Variants in GARS1 observed in about 807,000 individuals in gnomAD.
GARS1 encodes glycine--tRNA ligase.
GARS1 carries 46 observed loss-of-function variants against 86.4 expected under a neutral mutation model. The ratio of observed to expected loss-of-function variants is 0.53; its 90% CI spans 0.42 to 0.68. The LOEUF (loss-of-function observed/expected upper bound fraction) is 0.68. Among genes scored for constraint, GARS1 ranks in the 30% least tolerant of loss-of-function variants. GARS1 has a pLI of 0.00. For synonymous variants in GARS1, 342 were observed against 329.8 expected, an observed-to-expected ratio of 1.04 and a Z score of -0.40; for missense variants, 797 against 915.6, an observed-to-expected ratio of 0.87 and a Z score of 1.67.
intron 6 of GARS1, among the ~76,000 whole-genome samples, chr7:30,608,540 C>A (rs530562341): frequency 3.3e-5 from 5 of 152,102 alleles, no homozygotes; most frequent in Non-Finnish European, 5.9e-5. Flanking sequence ...GAAATAGAGT[C>A]TAGAAGGCTT....
At position 30,628,585 on chromosome 7, in the gene GARS1, T is replaced by G; in HGVS notation, c.1725T>G (p.Ile575Met). 1 of 1,612,568 alleles carries G rather than the reference T, an allele frequency of 6.2e-7. No homozygotes were observed. The highest frequency in any genetic ancestry group is 1.3e-5 in the African/African-American group (1 of 75,030). The change falls in exon 14 of 17, where the codon ATT becomes ATG. Residue 575 changes from isoleucine to methionine, a missense_variant. Ile to Met is a conservative substitution (Grantham distance 10, BLOSUM62 1). Coordinates refer to ENST00000389266, the MANE Select transcript of GARS1 (RefSeq NM_002047.4). ...TGGAAGAAGTTGTTCCGAATGTAATTGAACCTTCCTTCGGCCTGGGTAGGA... is the reference window on the plus strand; with the variant it reads ...TGGAAGAAGTTGTTCCGAATGTAATGGAACCTTCCTTCGGCCTGGGTAGGA... ...LYVEEVVPNV[I>M]EPSFGLGRIM...
At chr7:30,622,973 C>T (rs1048131906) in intron 12 of GARS1, among the ~76,000 whole-genome samples, 22 of 151,878 alleles carry the variant, frequency 1.4e-4, no homozygotes, top group South Asian at 6.3e-4. Context: ...TGGTGGCGGG[C>T]GCCTGTAGTC....
At chr7:30,626,108 AT>A in intron 12 of GARS1, 125 bp from the exon 13 acceptor site, 1 of 645,576 alleles carries the variant, frequency 1.5e-6, no homozygotes, top group South Asian at 1.7e-5. Flanking sequence ...GACATCACTT[AT>A]TATATCTGGA....
rs182452812 is a variant in GARS1, at chr7:30,619,809, A to G, written c.1360-1584A>G. Among the ~76,000 whole-genome samples, 639 of 111,994 alleles carry G rather than the reference A, an allele frequency of 5.7e-3. 8 individuals are homozygous for G. The highest frequency in any genetic ancestry group is 0.022 in the African/African-American group (609 of 27,724). The allele number at this position is 111,994 out of a possible 152,430, so 73.5% of individuals were successfully genotyped here. On this transcript the variant is annotated intron_variant, in intron 10 of 16. Coordinates refer to ENST00000389266, the MANE Select transcript of GARS1 (RefSeq NM_002047.4). Reference sequence around the variant, plus strand: ...TTTTTTTTTTTTGAGACAGAGTCTTACTCTGTCACCCAGGCTGGAGTGCAG... The same window carrying G: ...TTTTTTTTTTTTGAGACAGAGTCTTGCTCTGTCACCCAGGCTGGAGTGCAG...
chr7:30,622,414 G>T lies in GARS1; in HGVS notation c.1565G>T (p.Cys522Phe). The part of the protein sequence containing the change: ...AKLVMEYLAI[C>F]DECYITEMEM... Reference sequence around the variant, plus strand: ...CTGGTGATGGAGTATCTTGCCATTTGTGATGAGTGCTACATTACAGAAATG... The same window carrying T: ...CTGGTGATGGAGTATCTTGCCATTTTTGATGAGTGCTACATTACAGAAATG... The change falls in exon 12 of 17, where the codon TGT becomes TTT. Residue 522 changes from cysteine (C) to phenylalanine (F), a missense_variant. Transcript: ENST00000389266. The T allele has an allele frequency of 6.2e-7, 1 of 1,614,158 alleles. No individual in the cohort carries two copies. Among genetic ancestry groups the T allele is most frequent in the East Asian group, 2.2e-5 (1 of 44,860 alleles).
intron 10 of GARS1, 101 bp downstream of exon 10, chr7:30,617,379 GGAAAA>G: frequency 7.3e-7 from 1 of 1,366,990 alleles, no homozygotes; most frequent in South Asian, 1.2e-5. Flanking sequence ...AGGAACAAAG[GGAAAA>G]GAAAAGAGAT....
chr7:30,628,598 G>T lies in GARS1; in HGVS notation c.1738G>T (p.Gly580Cys). 1.2e-6 allele frequency: 2 copies of T among 1,612,866 alleles called. No individual in the cohort carries two copies. Among genetic ancestry groups the T allele is most frequent in the Non-Finnish European group, 1.7e-6 (2 of 1,179,042 alleles). Residue 580 changes from glycine to cysteine, a missense_variant, in exon 14 of 17, where the codon GGC becomes TGC. This residue lies in a region of GARS1 where 598 missense variants were observed against 738.7 expected (regional missense o/e 0.81). Transcript: ENST00000389266. ...VVPNVIEPSF[G>C]LGRIMYTVFE... ...TCCGAATGTAATTGAACCTTCCTTCGGCCTGGGTAGGATCATGTATACGGT... is the reference window on the plus strand; with the variant it reads ...TCCGAATGTAATTGAACCTTCCTTCTGCCTGGGTAGGATCATGTATACGGT...
At chr7:30,622,239 A>T in intron 11 of GARS1, 78 bp from the exon 12 acceptor site, 1 of 1,556,946 alleles carries the variant, frequency 6.4e-7, no homozygotes, top group South Asian at 1.1e-5. Flanking sequence ...TTTTAAGTTG[A>T]TGATTGATTG....
At chr7:30,605,334 C>T (rs562101510) in intron 6 of GARS1, among the ~76,000 whole-genome samples, 3 of 152,254 alleles carry the variant, frequency 2.0e-5, no homozygotes, top group African/African-American at 7.2e-5. Context: ...TTTTTGTGGC[C>T]CATCTCTGGA....
At chr7:30,612,369 C>A in intron 8 of GARS1, 124 bp downstream of exon 8, 2 of 975,768 alleles carry the variant, frequency 2.0e-6, no homozygotes, top group Non-Finnish European at 3.2e-6. Flanking sequence ...TTGTTTTCTC[C>A]AAAAATCATG....
chr7:30,620,281 A>G (rs969614263), intron 10 of GARS1, among the ~76,000 whole-genome samples: 4 of 152,240 alleles, frequency 2.6e-5, no homozygotes, highest in African/African-American at 9.7e-5. Flanking sequence ...AGAGTGGCTT[A>G]TAAACAATGG....
Position 30,633,872 on chromosome 7 carries a change from A to G in GARS1, c.*12A>G. 1.3e-6 allele frequency: 2 copies of G among 1,596,606 alleles called. No individual in the cohort carries two copies. Among genetic ancestry groups the G allele is most frequent in the South Asian group, 2.2e-5 (2 of 90,542 alleles). On this transcript the variant is annotated 3_prime_UTR_variant, in exon 17 of 17. Transcript: ENST00000389266. Reference sequence around the variant, plus strand: ...CAATCGAGGAATGAGGACAATTTTGACAACTTTTGACCACTTGCGCTAATA... The same window carrying G: ...CAATCGAGGAATGAGGACAATTTTGGCAACTTTTGACCACTTGCGCTAATA...
intron 3 of GARS1, 28 bp from the exon 4 acceptor site, chr7:30,601,031 G>T: frequency 6.2e-7 from 1 of 1,611,260 alleles, no homozygotes; most frequent in Non-Finnish European, 8.5e-7. Flanking sequence ...ACAAGGTAAA[G>T]TATGTGTTTT....
At position 30,633,819 on chromosome 7, in the gene GARS1, G is replaced by A; in HGVS notation, c.2179G>A (p.Glu727Lys). The A allele has an allele frequency of 1.9e-6, 3 of 1,585,158 alleles. No individual in the cohort carries two copies. Among genetic ancestry groups the A allele is most frequent in the Non-Finnish European group, 2.6e-6 (3 of 1,162,858 alleles). The change falls in exon 17 of 17, where the codon GAA becomes AAA. Residue 727 changes from glutamate (E) to lysine (K), a missense_variant. Transcript: ENST00000389266. Reference sequence around the variant, plus strand: ...TGTGGAGGCCAGGTATCCTCTGTTTGAAGGGCAAGAGACTGGTAAAAAAGA... The same window carrying A: ...TGTGGAGGCCAGGTATCCTCTGTTTAAAGGGCAAGAGACTGGTAAAAAAGA... ...ADVEARYPLF[E>K]GQETGKKETI...
At chr7:30,600,967 A>T (rs1257573403) in intron 3 of GARS1, 92 bp from the exon 4 acceptor site, 2 of 1,163,288 alleles carry the variant, frequency 1.7e-6, no homozygotes, top group Admixed American at 1.7e-5. Flanking sequence ...ATACACTTTT[A>T]GGGAGTATAG....
At chr7:30,619,250 G>T (rs188717383) in intron 10 of GARS1, among the ~76,000 whole-genome samples, 13 of 152,290 alleles carry the variant, frequency 8.5e-5, no homozygotes, top group African/African-American at 3.1e-4. Context: ...AAGTGCCATT[G>T]TGAGGGTTAG....
chr7:30,608,612 T>C (rs1791531317), intron 6 of GARS1, among the ~76,000 whole-genome samples: 1 of 152,228 alleles, frequency 6.6e-6, no homozygotes, highest in Non-Finnish European at 1.5e-5. Context: ...GTTGCCTTTT[T>C]ATGGAGTGGA....
intron 7 of GARS1, among the ~76,000 whole-genome samples, chr7:30,611,558 C>T (rs573579422): frequency 2.0e-5 from 3 of 152,276 alleles, no homozygotes; most frequent in Admixed American, 6.5e-5. Flanking sequence ...GATCTCGGCT[C>T]ACTGCAACCT....
At chr7:30,625,836 A>G (rs1456151694) in intron 12 of GARS1, among the ~76,000 whole-genome samples, 1 of 152,236 alleles carries the variant, frequency 6.6e-6, no homozygotes, top group Non-Finnish European at 1.5e-5. Context: ...GTTCATTTGT[A>G]CATTTGTTGG....
Sources: allele counts gnomAD v4.1 joint callset (sites outside exome capture counted in the v4.1 genomes callset), GRCh38; gene constraint gnomAD v4.1.1; regional missense constraint gnomAD v4.1.1; transcripts MANE v1.5; gene names NCBI Gene and HGNC (gene_info 2026-07-23, HGNC 2026-07-21).